Variants in SNED1 observed in about 807,000 individuals in gnomAD.
The protein encoded by SNED1 is sushi, nidogen and EGF like domains 1, also known as sushi, nidogen and EGF-like domain-containing protein 1.
In SNED1, 81 loss-of-function variants were observed where a neutral mutation model predicts 166.7. The observed-to-expected ratio is 0.49, with a 90% CI of 0.41 to 0.58. SNED1 has a LOEUF of 0.58. Among genes scored for constraint, SNED1 ranks in the 20% least tolerant of loss-of-function variants. The pLI, the probability that SNED1 is intolerant of heterozygous loss-of-function variation, is 0.00. For missense variants in SNED1, 1,604 were observed against 2,000.2 expected, an observed-to-expected ratio of 0.80 and a Z score of 3.78; for synonymous variants, 762 against 822.0, an observed-to-expected ratio of 0.93 and a Z score of 1.25.
At position 241,052,410 on chromosome 2, in the gene SNED1, G is replaced by A; in HGVS notation, c.2025G>A (p.Arg675=). The change falls in exon 15 of 32, where the codon CGG becomes CGA. Residue 675 remains arginine (R), a synonymous_variant. Transcript: ENST00000310397. ...TGAATGGGGGCACCTGCGAGGACCG[G>A]GACACGGATTTCTTCTGCCACTGCC... ...PCVNGGTCED[R]DTDFFCHCQA... 6.2e-7 allele frequency: 1 copy of A among 1,604,712 alleles called. No homozygotes were observed. Among genetic ancestry groups the A allele is most frequent in the East Asian group, 2.2e-5 (1 of 44,808 alleles).
intron 1 of SNED1, among the ~76,000 whole-genome samples, chr2:241,003,228 GGTGTTGGGAT>G (rs1171115745): frequency 6.6e-6 from 1 of 151,892 alleles, no homozygotes; most frequent in Non-Finnish European, 1.5e-5. Context: ...TTGTTTGGGA[GGTGTTGGGAT>G]GTGCACCCCA....
intron 1 of SNED1, chr2:241,015,951 G>C (rs2124859485): frequency 6.6e-6 from 1 of 151,612 alleles, no homozygotes; most frequent in East Asian, 2.0e-4. Context: ...ATCACAAATG[G>C]ACGTTGACTT....
chr2:241,030,861 C>A (rs182588916), intron 2 of SNED1, among the ~76,000 whole-genome samples: 38 of 152,354 alleles, frequency 2.5e-4, no homozygotes, highest in Non-Finnish European at 4.9e-4. Flanking sequence ...TGGCCCAGTA[C>A]TCAAAAGGTT....
At chr2:241,003,740 G>A (rs1211563761) in intron 1 of SNED1, among the ~76,000 whole-genome samples, 1 of 152,204 alleles carries the variant, frequency 6.6e-6, no homozygotes, top group Non-Finnish European at 1.5e-5. Flanking sequence ...CTCTGCAGGT[G>A]ACCTGCTTAG....
intron 2 of SNED1, among the ~76,000 whole-genome samples, chr2:241,033,191 T>G (rs575115845): frequency 5.4e-4 from 83 of 152,366 alleles, no homozygotes; most frequent in Non-Finnish European, 1.1e-3. Context: ...TGATTCTTTT[T>G]CAGGGGGTTT....
chr2:241,088,984 T>C (rs2063735010), intron 31 of SNED1: 1 of 274,628 alleles, frequency 3.6e-6, no homozygotes, highest in East Asian at 8.1e-5. Context: ...CATTCATAAA[T>C]CCTGACGTGA....
chr2:241,010,378 G>A (rs1041165239), intron 1 of SNED1: 1 of 152,322 alleles, frequency 6.6e-6, no homozygotes, highest in African/African-American at 2.4e-5. Flanking sequence ...TGCCACTGGA[G>A]CACGTCTCTG....
chr2:241,005,188 AGTTTCTGTTTTT>A (rs1479669383), intron 1 of SNED1, among the ~76,000 whole-genome samples: 1 of 150,118 alleles, frequency 6.7e-6, no homozygotes, highest in Admixed American at 6.7e-5. Flanking sequence ...AGTTTAGTTT[AGTTTCTGTTTTT>A]GTTTTTGTTT....
intron 1 of SNED1, chr2:241,015,918 T>A (rs1349955878): frequency 6.6e-6 from 1 of 152,296 alleles, no homozygotes; most frequent in Non-Finnish European, 1.5e-5. Context: ...GGCAGCCTTC[T>A]CCTTGTATTC....
At chr2:241,043,076 G>A (rs141603810) in intron 8 of SNED1, among the ~76,000 whole-genome samples, 138 of 152,342 alleles carry the variant, frequency 9.1e-4, no homozygotes, top group African/African-American at 3.0e-3. Flanking sequence ...TGGAGTCTGC[G>A]AAGGAGGATG....
intron 6 of SNED1, among the ~76,000 whole-genome samples, chr2:241,038,388 C>T (rs374138052): frequency 6.6e-6 from 1 of 152,156 alleles, no homozygotes; most frequent in Non-Finnish European, 1.5e-5. Context: ...AGTTGAATGG[C>T]AGTAAGGGAC....
chr2:241,091,758 C>T lies in SNED1; in HGVS notation c.*122C>T, dbSNP rs1232636779. The T allele has an allele frequency of 6.6e-6, 1 of 152,272 alleles. No individual in the cohort carries two copies. Among genetic ancestry groups the T allele is most frequent in the African/African-American group, 2.4e-5 (1 of 41,438 alleles). 9.4% of individuals were successfully genotyped at this position (152,272 alleles called of 1,614,324 possible). On this transcript the variant is annotated 3_prime_UTR_variant, in exon 32 of 32. Coordinates refer to ENST00000310397, the MANE Select transcript of SNED1 (RefSeq NM_001080437.3). This position sits in a 1 kb window ranked among gnomAD's most constrained non-coding sequence, Gnocchi z 4.1. The stretch of plus-strand genomic sequence containing the variant: ...GAAAAGGTCCTAGCTGGAGTCAGTC[C>T]CCTCTGTGACCTCTCTCCTCAGGCC...
intron 1 of SNED1, among the ~76,000 whole-genome samples, chr2:241,015,002 G>A (rs1349730598): frequency 1.3e-5 from 2 of 152,194 alleles, no homozygotes; most frequent in African/African-American, 4.8e-5. Flanking sequence ...GGAGCGTTGG[G>A]CTAACTGTGG....
intron 10 of SNED1, 126 bp downstream of exon 10, chr2:241,048,892 G>A (rs1329894135): frequency 8.5e-6 from 10 of 1,174,020 alleles, no homozygotes; most frequent in Non-Finnish European, 1.1e-5. Context: ...CCACCCAGGA[G>A]GGACTGGCCA....
intron 8 of SNED1, among the ~76,000 whole-genome samples, chr2:241,042,878 G>T (rs2061554947): frequency 6.6e-6 from 1 of 152,166 alleles, no homozygotes; most frequent in Admixed American, 6.5e-5. Flanking sequence ...ACGATATTAG[G>T]GTAATAGGAT....
rs2064171132 is a variant in SNED1, at chr2:241,093,395, T to C, written c.*1759T>C. 1 of 152,696 alleles carries C rather than the reference T, an allele frequency of 6.5e-6. No homozygotes were observed. The highest frequency in any genetic ancestry group is 1.5e-5 in the Non-Finnish European group (1 of 68,054). 9.5% of individuals were successfully genotyped at this position (152,696 alleles called of 1,614,324 possible). ...TCCTACTAGGAAACTTTCTACTCCC[T>C]ACTAGGACCTCAAGCCCCTCAGCCA... On this transcript the variant is annotated 3_prime_UTR_variant, in exon 32 of 32. Transcript: ENST00000310397.
chr2:241,076,757 G>A (rs929057788), intron 27 of SNED1, among the ~76,000 whole-genome samples: 4 of 151,954 alleles, frequency 2.6e-5, no homozygotes, highest in Admixed American at 6.6e-5. Context: ...AGAGTCCAGG[G>A]CCGGGCGCGG....
intron 16 of SNED1, among the ~76,000 whole-genome samples, chr2:241,060,274 C>T (rs767500235): frequency 2.7e-4 from 41 of 151,996 alleles, no homozygotes; most frequent in Non-Finnish European, 5.0e-4. Context: ...CCTCCGCCTC[C>T]CTGGTTCAAG....
chr2:241,067,566 T>TCTGCAGCCGTCATGCTCACAGCGGGC (rs2062511898), intron 21 of SNED1, among the ~76,000 whole-genome samples, 198 bp from the exon 22 acceptor site: 1 of 151,628 alleles, frequency 6.6e-6, no homozygotes, highest in African/African-American at 2.4e-5. Context: ...TCACAGCGGG[T>TCTGCAGCCGTCATGCTCACAGCGGGC]TCTGCAGCTG....
Sources: gnomAD v4.1 joint callset for allele counts (sites outside exome capture counted in the v4.1 genomes callset) on GRCh38, gnomAD v4.1.1 for gene constraint, Gnocchi (gnomAD v3.1) non-coding constraint, MANE v1.5 for transcripts, NCBI Gene and HGNC (gene_info 2026-07-23, HGNC 2026-07-21) for gene names.